LZTFL1: variants seen among roughly 807,000 people sequenced by gnomAD.
LZTFL1 encodes leucine zipper transcription factor like 1, also known as leucine zipper transcription factor-like protein 1.
In LZTFL1, 25 loss-of-function variants were observed where a neutral mutation model predicts 45.9. The ratio of observed to expected loss-of-function variants is 0.54; its 90% confidence interval spans 0.40 to 0.76. LZTFL1 has a LOEUF of 0.76. Among genes scored for constraint, LZTFL1 ranks in the 30% least tolerant of loss-of-function variants. The probability of loss-of-function intolerance (pLI) is 0.00; values close to 1 mark genes in which losing one functional copy is unlikely to be tolerated. For synonymous variants in LZTFL1, 93 were observed against 117.4 expected (o/e 0.79, Z 1.35); for missense variants, 277 against 331.1 (o/e 0.84, Z 1.27).
At chr3:45,827,317 C>T (rs559190462) in intron 9 of LZTFL1, 39 bp downstream of exon 9, 7 of 1,412,456 alleles carry the variant, frequency 5.0e-6, no homozygotes, top group Non-Finnish European at 6.0e-6. Flanking sequence ...AACATCAATC[C>T]AGAGAGAGAA....
At chr3:45,890,306 T>TATATATATATAAATATATATATAAC (rs1702122687) in intron 2 of LZTFL1, among the ~76,000 whole-genome samples, 2 of 15,456 alleles carry the variant, frequency 1.3e-4, no homozygotes, top group East Asian at 1.2e-3. Flanking sequence ...ATATATAACA[T>TATATATATATAAATATATATATAAC]ATATATATAT....
intron 2 of LZTFL1, among the ~76,000 whole-genome samples, chr3:45,910,258 T>C (rs1456506267): frequency 6.6e-6 from 1 of 152,022 alleles, no homozygotes; most frequent in East Asian, 1.9e-4. Flanking sequence ...GTGGCGGAGT[T>C]GGAGTGACGG....
intron 2 of LZTFL1, among the ~76,000 whole-genome samples, chr3:45,898,006 A>G (rs1252639031): frequency 6.6e-6 from 1 of 151,562 alleles, no homozygotes; most frequent in Non-Finnish European, 1.5e-5. Context: ...CACAAAACAC[A>G]AAACACCAAC....
chr3:45,828,647 A>G, intron 7 of LZTFL1, 32 bp from the exon 8 acceptor site: 1 of 1,506,282 alleles, frequency 6.6e-7, no homozygotes, highest in South Asian at 1.2e-5. Flanking sequence ...ATGTAATTTC[A>G]TGTTGATATT....
At chr3:45,896,522 C>G (rs961073656) in intron 2 of LZTFL1, among the ~76,000 whole-genome samples, 4 of 152,114 alleles carry the variant, frequency 2.6e-5, no homozygotes, top group African/African-American at 9.7e-5. Flanking sequence ...AAGGCAGAGT[C>G]CTTTTTACAG....
intron 2 of LZTFL1, among the ~76,000 whole-genome samples, chr3:45,908,587 T>G (rs1559430581): frequency 1.3e-5 from 2 of 151,720 alleles, no homozygotes; most frequent in Non-Finnish European, 2.9e-5. Context: ...AGGTAGCGTT[T>G]GAGCTGAGAG....
intron 3 of LZTFL1, among the ~76,000 whole-genome samples, chr3:45,856,102 G>C (rs1474514271): frequency 6.6e-6 from 1 of 151,918 alleles, no homozygotes; most frequent in African/African-American, 2.4e-5. Context: ...GACAATCCTA[G>C]GCAAAAAGAA....
chr3:45,883,984 C>A lies in LZTFL1; in HGVS notation c.-214-24968G>T, dbSNP rs1701913789. The stretch of plus-strand genomic sequence containing the variant: ...ACAAATGAATGTGCTGCACTCCACG[C>A]CATTCTGGGGTAGGTTGGGTCCTGA... On this transcript the variant is annotated intron_variant, in intron 2 of 4. Coordinates refer to the LZTFL1 transcript ENST00000472635. The A allele has an allele frequency of 1.6e-5, 5 of 311,712 alleles. No individual in the cohort carries two copies. The South Asian group carries it at 2.3e-4, about 14-fold the overall frequency. The allele number at this position is 311,712 out of a possible 1,614,324, so 19.3% of individuals were successfully genotyped here.
At position 45,859,883 on chromosome 3, in the gene LZTFL1, C is replaced by T. The variant is rs115372223; in HGVS notation, c.-214-867G>A. Among the ~76,000 whole-genome samples, 205 of 151,868 alleles carry T rather than the reference C, an allele frequency of 1.3e-3. 1 individual carries two copies. Among genetic ancestry groups the T allele is most frequent in the African/African-American group, 4.7e-3 (196 of 41,416 alleles). On this transcript the variant is annotated intron_variant, in intron 2 of 4. Transcript: ENST00000472635. ...AACTACTGACCTCAAGTGATCTGCC[C>T]GTATATAGCATTCTTAATAATGTAC...
At chr3:45,842,139 G>A, upstream of LZTFL1, 1 of 1,518,998 alleles carries the variant, frequency 6.6e-7, no homozygotes. Context: ...CGGAAACCGA[G>A]GCACGTGGAC....
intron 2 of LZTFL1, chr3:45,883,812 G>A: frequency 3.7e-6 from 2 of 536,282 alleles, no homozygotes; most frequent in Non-Finnish European, 6.9e-6. Context: ...AGACCATGAA[G>A]AGTGAGAGTT....
intron 2 of LZTFL1, chr3:45,895,143 G>C: frequency 1.6e-6 from 1 of 637,002 alleles, no homozygotes; most frequent in South Asian, 1.9e-5. Context: ...AATGCAAAGA[G>C]GCAGCTATGC....
chr3:45,841,254 T>C lies in LZTFL1; in HGVS notation c.3+735A>G, dbSNP rs117013596. 6.6e-3 allele frequency among the ~76,000 whole-genome samples: 1,012 copies of C among 152,344 alleles called. 42 individuals are homozygous for C. The East Asian group carries it at 0.088, about 13-fold the overall frequency. ...GGTTGCTGAAGTATTTCAGTAGCTA[T>C]TTCAGGTGGTGCTCTCAACCCTGGT... On this transcript the variant is annotated intron_variant, in intron 1 of 9. Transcript: ENST00000296135.
chr3:45,899,391 G>A (rs1347314282), intron 2 of LZTFL1, among the ~76,000 whole-genome samples: 1 of 152,180 alleles, frequency 6.6e-6, no homozygotes, highest in Non-Finnish European at 1.5e-5. Flanking sequence ...CTAACAGGAG[G>A]TAGAGAATAT....
rs1335306347 is a variant in LZTFL1, at chr3:45,825,906, T to C, written c.*408A>G. 1.2e-5 allele frequency: 2 copies of C among 164,872 alleles called. No homozygotes were observed. The highest frequency in any genetic ancestry group is 4.8e-5 in the African/African-American group (2 of 42,040). The allele number at this position is 164,872 out of a possible 1,614,324, so 10.2% of individuals were successfully genotyped here. ...AACTCTCTTTTTTTGGTAATAACTATCTTTAACAATGCTATTATTTATTTT... is the reference window on the plus strand; with the variant it reads ...AACTCTCTTTTTTTGGTAATAACTACCTTTAACAATGCTATTATTTATTTT... On this transcript the variant is annotated 3_prime_UTR_variant, in exon 10 of 10. Coordinates refer to ENST00000296135, the MANE Select transcript of LZTFL1 (RefSeq NM_020347.4).
chr3:45,898,070 G>T (rs993735175), intron 2 of LZTFL1, among the ~76,000 whole-genome samples: 2 of 151,082 alleles, frequency 1.3e-5, no homozygotes, highest in Non-Finnish European at 2.9e-5. Context: ...TATTCATTGT[G>T]TGGATTCACA....
intron 2 of LZTFL1, among the ~76,000 whole-genome samples, chr3:45,869,486 C>T (rs943321587): frequency 4.6e-5 from 7 of 152,094 alleles, no homozygotes; most frequent in African/African-American, 1.4e-4. Context: ...TTGGATATTA[C>T]CCTGGGCCCC....
Position 45,826,289 on chromosome 3 carries a change from T to A in LZTFL1, c.*25A>T. The A allele has an allele frequency of 1.2e-6, 2 of 1,609,624 alleles. No individual in the cohort carries two copies. The highest frequency in any genetic ancestry group is 1.7e-6 in the Non-Finnish European group (2 of 1,176,162). On this transcript the variant is annotated 3_prime_UTR_variant, in exon 10 of 10. Coordinates refer to ENST00000296135, the MANE Select transcript of LZTFL1 (RefSeq NM_020347.4). ...AGACTGCTTGTATGTTTGCATGTGG[T>A]AGCTTCCAGAGGAAATCTTCAGTTT... is the stretch of plus-strand genomic sequence containing the variant.
In LZTFL1 at chr3:45,894,830, C is replaced by A. The variant is rs7648467; in HGVS notation, c.-215+18290G>T. 0.037 allele frequency: 36,715 copies of A among 995,802 alleles called. 4,966 individuals carry two copies. The African/African-American group carries it at 0.38, about 10-fold the overall frequency. 61.7% of individuals were successfully genotyped at this position (995,802 alleles called of 1,614,324 possible). On this transcript the variant is annotated intron_variant, in intron 2 of 4. Transcript: ENST00000472635. ...AGAATAAGCAGATTTAAAATTTAAT[C>A]TCCATCTTTTTGGCATTTGGTTGTT... is the stretch of plus-strand genomic sequence containing the variant.
Sources: gnomAD v4.1 joint callset for allele counts (sites outside exome capture counted in the v4.1 genomes callset) on GRCh38, gnomAD v4.1.1 for gene constraint, MANE v1.5 for transcripts, NCBI Gene and HGNC (gene_info 2026-07-23, HGNC 2026-07-21) for gene names.